The following ATP8B4 variants were observed in gnomAD, a reference collection of about 807,000 sequenced individuals.
The protein encoded by ATP8B4 is ATPase phospholipid transporting 8B4 (putative), also known as probable phospholipid-transporting ATPase IM.
In ATP8B4, 133 loss-of-function variants were observed where a neutral mutation model predicts 145.6. That is an observed-to-expected ratio of 0.91 (90% CI 0.79 to 1.05). The LOEUF is 1.05. Among genes scored for constraint, ATP8B4 ranks in the 50% least tolerant of loss-of-function variants. ATP8B4 has a pLI of 0.00. For missense variants in ATP8B4, 1,458 were observed against 1,425.2 expected, an observed-to-expected ratio of 1.02 and a Z score of -0.37; for synonymous variants, 507 against 492.9, an observed-to-expected ratio of 1.03 and a Z score of -0.38.
chr15:50,104,255 T>G (rs1333338371), intron 2 of ATP8B4, among the ~76,000 whole-genome samples: 1 of 152,082 alleles, frequency 6.6e-6, no homozygotes, highest in Non-Finnish European at 1.5e-5. Context: ...ACTAAAAAGC[T>G]TCTGCACAGC....
intron 11 of ATP8B4, among the ~76,000 whole-genome samples, chr15:49,980,118 A>G (rs1258492833): frequency 6.6e-6 from 1 of 152,204 alleles, no homozygotes; most frequent in Non-Finnish European, 1.5e-5. Context: ...GTTCATAGAC[A>G]TGGGCATGTC....
intron 12 of ATP8B4, among the ~76,000 whole-genome samples, chr15:49,975,667 G>A (rs1285319424): frequency 6.6e-6 from 1 of 152,082 alleles, no homozygotes; most frequent in African/African-American, 2.4e-5. Context: ...AATTGTTGTT[G>A]TCTAAAAGAA....
intron 6 of ATP8B4, among the ~76,000 whole-genome samples, chr15:50,027,813 GT>G (rs2050126530): frequency 6.6e-6 from 1 of 152,180 alleles, no homozygotes; most frequent in South Asian, 2.1e-4. Flanking sequence ...GATTTTAAGT[GT>G]AATGAAATGT....
intron 2 of ATP8B4, among the ~76,000 whole-genome samples, chr15:50,085,158 C>T (rs1255582403): frequency 1.3e-5 from 2 of 152,196 alleles, no homozygotes; most frequent in Admixed American, 6.5e-5. Context: ...CCTGGCCTCA[C>T]ATCACCACCA....
intron 17 of ATP8B4, among the ~76,000 whole-genome samples, chr15:49,921,095 G>T (rs2040217663): frequency 6.6e-6 from 1 of 152,202 alleles, no homozygotes; most frequent in Admixed American, 6.5e-5. Context: ...TAGGGCAAAA[G>T]GGGAGAGAAA....
intron 25 of ATP8B4, among the ~76,000 whole-genome samples, chr15:49,870,417 G>A (rs749857141): frequency 2.0e-5 from 3 of 152,106 alleles, no homozygotes; most frequent in Non-Finnish European, 4.4e-5. Context: ...TGTACTCTTT[G>A]AAATGTTTAA....
chr15:50,163,355 C>A (rs545785508), intron 1 of ATP8B4, among the ~76,000 whole-genome samples: 1 of 152,368 alleles, frequency 6.6e-6, no homozygotes, highest in South Asian at 2.1e-4. Flanking sequence ...CACCCCAAGC[C>A]CAGTAACGTT....
intron 14 of ATP8B4, among the ~76,000 whole-genome samples, chr15:49,937,344 T>G (rs1221915476): frequency 6.6e-6 from 1 of 152,122 alleles, no homozygotes; most frequent in Non-Finnish European, 1.5e-5. Flanking sequence ...AAACCCTCAT[T>G]AGCTGCCCCA....
chr15:49,968,287 A>T (rs1485093845), intron 13 of ATP8B4, among the ~76,000 whole-genome samples: 1 of 152,216 alleles, frequency 6.6e-6, no homozygotes, highest in African/African-American at 2.4e-5. Context: ...ATTAACCTTA[A>T]ATGTAAATGG....
intron 7 of ATP8B4, among the ~76,000 whole-genome samples, chr15:50,004,039 C>T (rs1324200900): frequency 2.6e-5 from 4 of 152,182 alleles, no homozygotes; most frequent in Admixed American, 1.3e-4. Flanking sequence ...TCCCCACCTC[C>T]GCCCATCTCC....
intron 23 of ATP8B4, among the ~76,000 whole-genome samples, chr15:49,891,482 C>T (rs962783949): frequency 1.4e-4 from 21 of 152,106 alleles, no homozygotes; most frequent in South Asian, 4.2e-4. Flanking sequence ...CGCTCCACCC[C>T]GTCCAGCTAT....
Position 50,062,908 on chromosome 15 carries a change from G to A in ATP8B4, c.87+11219C>T, listed in dbSNP as rs189094365. Among the ~76,000 whole-genome samples the A allele has an allele frequency of 1.2e-4, 19 of 152,156 alleles. No individual in the cohort carries two copies. The East Asian group carries it at 2.1e-3, about 17-fold the overall frequency. ...AAATCGTCTTTCTTAGGACAATGGC[G>A]TTTTTGTGGTATTGAATCTACAAGA... On this transcript the variant is annotated intron_variant, in intron 3 of 27. Transcript: ENST00000284509.
At chr15:50,148,253 G>C (rs2044304052) in intron 1 of ATP8B4, among the ~76,000 whole-genome samples, 1 of 152,122 alleles carries the variant, frequency 6.6e-6, no homozygotes, top group Admixed American at 6.5e-5. Context: ...CCAAGGAAAA[G>C]CTGGGGAACT....
chr15:49,981,430 C>G (rs1386619609), intron 10 of ATP8B4, 136 bp from the exon 11 acceptor site: 2 of 642,320 alleles, frequency 3.1e-6, no homozygotes, highest in African/African-American at 3.7e-5. Flanking sequence ...GAGCAAGGGC[C>G]ATTAAGTTGT....
chr15:49,913,028 C>T (rs1041437319), intron 20 of ATP8B4, among the ~76,000 whole-genome samples: 6 of 151,720 alleles, frequency 4.0e-5, no homozygotes, highest in Non-Finnish European at 5.9e-5. Flanking sequence ...CTACTCAGGA[C>T]GCTGAAGTGG....
chr15:49,860,974 G>A (rs2031588529), intron 27 of ATP8B4, among the ~76,000 whole-genome samples: 1 of 152,042 alleles, frequency 6.6e-6, no homozygotes. Context: ...TGATTTCTTA[G>A]GTTTGTATGG....
At chr15:49,989,790 C>G (rs1158296426) in intron 9 of ATP8B4, among the ~76,000 whole-genome samples, 1 of 152,012 alleles carries the variant, frequency 6.6e-6, no homozygotes, top group East Asian at 1.9e-4. Context: ...GCTCGGCTTC[C>G]CCTTTTTAAG....
intron 20 of ATP8B4, among the ~76,000 whole-genome samples, chr15:49,911,992 G>A (rs1466493308): frequency 6.6e-6 from 1 of 151,978 alleles, no homozygotes; most frequent in Non-Finnish European, 1.5e-5. Flanking sequence ...ATATGAAAAT[G>A]GAAACAAAAC....
intron 1 of ATP8B4, among the ~76,000 whole-genome samples, chr15:50,157,392 T>C (rs2044435553): frequency 6.6e-6 from 1 of 152,198 alleles, no homozygotes; most frequent in South Asian, 2.1e-4. Context: ...CAATGAAGTA[T>C]TGTACACCAG....
Sources: gnomAD v4.1 joint callset for allele counts (sites outside exome capture counted in the v4.1 genomes callset) on GRCh38, gnomAD v4.1.1 for gene constraint, MANE v1.5 for transcripts, NCBI Gene and HGNC (gene_info 2026-07-23, HGNC 2026-07-21) for gene names.